SORCS2: variants seen among roughly 807,000 people sequenced by gnomAD.
The protein encoded by SORCS2 is sortilin related VPS10 domain containing receptor 2.
In SORCS2, 100 loss-of-function variants were observed where a neutral mutation model predicts 141.6. The observed-to-expected ratio is 0.71, with a 90% confidence interval of 0.60 to 0.83. The LOEUF is 0.83. SORCS2 is among the 40% of genes least tolerant of loss of function. SORCS2 has a pLI of 0.00. For missense variants in SORCS2, 1,646 were observed against 1,560.2 expected, an observed-to-expected ratio of 1.05 and a Z score of -0.93; for synonymous variants, 789 against 676.9, an observed-to-expected ratio of 1.17 and a Z score of -2.57.
At position 7,721,019 on chromosome 4, in the gene SORCS2, A is replaced by G. The variant is rs189681999; in HGVS notation, c.2425-2678A>G. On this transcript the variant is annotated intron_variant, in intron 18 of 26. Transcript: ENST00000507866. ...ATCAGAGTAATGAAGACTTCTGTTCACACAAAAACCTGTATGTGTCTGTTC... is the reference window on the plus strand; with the variant it reads ...ATCAGAGTAATGAAGACTTCTGTTCGCACAAAAACCTGTATGTGTCTGTTC... Among the ~76,000 whole-genome samples, 13 of 152,358 alleles carry G rather than the reference A, an allele frequency of 8.5e-5. No individual in the cohort carries two copies. In the East Asian group the frequency reaches 2.5e-3, roughly 29 times the overall value.
chr4:7,621,587 A>C (rs886878208), intron 3 of SORCS2, among the ~76,000 whole-genome samples: 2 of 151,524 alleles, frequency 1.3e-5, no homozygotes, highest in African/African-American at 2.4e-5. Context: ...GTGTGTGTTT[A>C]TGTGTGTGTC....
At chr4:7,701,986 C>T (rs78032584) in intron 12 of SORCS2, among the ~76,000 whole-genome samples, 1,903 of 138,662 alleles carry the variant, frequency 0.014, 50 homozygotes, top group East Asian at 0.1. Flanking sequence ...TTCCTTATCC[C>T]GCCCCACATG....
chr4:7,224,880 A>G (rs1728910416), intron 1 of SORCS2, among the ~76,000 whole-genome samples: 1 of 152,224 alleles, frequency 6.6e-6, no homozygotes, highest in African/African-American at 2.4e-5. Flanking sequence ...CCTGAGCTTC[A>G]TTAATTATGA....
intron 1 of SORCS2, among the ~76,000 whole-genome samples, chr4:7,321,404 G>A (rs1718885577): frequency 6.6e-6 from 1 of 152,154 alleles, no homozygotes; most frequent in Non-Finnish European, 1.5e-5. Context: ...TCCTAGATTT[G>A]ATAAATGAAT....
rs1038689992 is a variant in SORCS2, at chr4:7,648,699, A to G, written c.814-5435A>G. Among the ~76,000 whole-genome samples the G allele has an allele frequency of 1.6e-4, 25 of 152,078 alleles. No homozygotes were observed. Among genetic ancestry groups the G allele is most frequent in the African/African-American group, 6.0e-4 (25 of 41,378 alleles). ...TGGCCTCTGCATGGTTGGAGAGCTC[A>G]GAATGTGAGCTTGGACCTGCCATGG... On this transcript the variant is annotated intron_variant, in intron 4 of 26. Coordinates refer to ENST00000507866, the MANE Select transcript of SORCS2 (RefSeq NM_020777.3). The surrounding 1 kb of genome is among the most constrained non-coding windows in gnomAD (Gnocchi z 4.2).
At chr4:7,448,449 G>C (rs4689749) in intron 2 of SORCS2, among the ~76,000 whole-genome samples, 68 of 139,974 alleles carry the variant, frequency 4.9e-4, no homozygotes, top group South Asian at 1.4e-3. Context: ...CCCCTCCCTC[G>C]TCTCCTTCCC....
intron 3 of SORCS2, among the ~76,000 whole-genome samples, chr4:7,632,377 A>G (rs1036882685): frequency 1.3e-5 from 2 of 152,150 alleles, no homozygotes; most frequent in Admixed American, 6.5e-5. Flanking sequence ...ACCATTTAAA[A>G]TAGAGGCTGC....
intron 16 of SORCS2, 142 bp from the exon 17 acceptor site, chr4:7,715,041 C>A (rs980548874): frequency 1.7e-6 from 2 of 1,162,274 alleles, no homozygotes; most frequent in African/African-American, 1.5e-5. Flanking sequence ...TGTGGGTGTT[C>A]CTTGATGTCC....
chr4:7,649,150 G>A (rs756041634), intron 4 of SORCS2, among the ~76,000 whole-genome samples: 5 of 152,296 alleles, frequency 3.3e-5, no homozygotes, highest in South Asian at 2.1e-4. Context: ...GGCCTGACCC[G>A]GGGGAGACTT....
chr4:7,287,879 A>T (rs1470745036), intron 1 of SORCS2, among the ~76,000 whole-genome samples: 1 of 152,170 alleles, frequency 6.6e-6, no homozygotes, highest in South Asian at 2.1e-4. Flanking sequence ...GCTATGGTAA[A>T]AACAGTTTTC....
Position 7,676,041 on chromosome 4 carries a change from TC to T in SORCS2, c.1162-5del. On this transcript the variant is annotated splice_polypyrimidine_tract_variant and splice_region_variant and intron_variant, in intron 8 of 26. Coordinates refer to ENST00000507866, the MANE Select transcript of SORCS2 (RefSeq NM_020777.3). ...GCTCTGACCCTGTGCTCCCTGCACA[TC>T]CCCACAGGATCTGCAGATCATCAGC... The T allele has an allele frequency of 1.3e-6, 2 of 1,572,592 alleles. No individual in the cohort carries two copies. Among genetic ancestry groups the T allele is most frequent in the East Asian group, 4.7e-5 (2 of 42,468 alleles).
At position 7,741,332 on chromosome 4, in the gene SORCS2, C is replaced by T. The variant is rs181373610; in HGVS notation, c.*1068C>T. The T allele has an allele frequency of 2.1e-4, 82 of 398,588 alleles. No homozygotes were observed. Among genetic ancestry groups the T allele is most frequent in the East Asian group, 1.9e-3 (54 of 28,030 alleles). 24.7% of individuals were successfully genotyped at this position (398,588 alleles called of 1,614,324 possible). On this transcript the variant is annotated 3_prime_UTR_variant, in exon 27 of 27. Transcript: ENST00000507866. ...AGGAGAGTAACTGAAGGTCACAGCACGGTCACAGCAGAGGTGGCCGAACCC... is the reference window on the plus strand; with the variant it reads ...AGGAGAGTAACTGAAGGTCACAGCATGGTCACAGCAGAGGTGGCCGAACCC...
intron 2 of SORCS2, among the ~76,000 whole-genome samples, chr4:7,398,880 A>T (rs1414767504): frequency 6.6e-6 from 1 of 152,180 alleles, no homozygotes. Context: ...TACATGACTG[A>T]GCCAGGGAGT....
At chr4:7,454,702 C>T (rs1271204417) in intron 2 of SORCS2, among the ~76,000 whole-genome samples, 6 of 93,034 alleles carry the variant, frequency 6.4e-5, no homozygotes, top group African/African-American at 1.3e-4. Context: ...TGGGGTCAGG[C>T]GCTATGTTGG....
At chr4:7,451,946 C>A (rs918771068) in intron 2 of SORCS2, among the ~76,000 whole-genome samples, 3 of 152,170 alleles carry the variant, frequency 2.0e-5, no homozygotes, top group African/African-American at 7.2e-5. Context: ...GGTGCTTGCG[C>A]GAGTGCACAT....
intron 2 of SORCS2, among the ~76,000 whole-genome samples, chr4:7,465,634 C>T (rs371554808): frequency 2.0e-5 from 3 of 152,120 alleles, no homozygotes; most frequent in South Asian, 2.1e-4. Context: ...TATAAAGATA[C>T]GTAGACATTC....
In SORCS2 at chr4:7,664,494, T is replaced by C; in HGVS notation, c.1071+23T>C. ...AAGGTAAGGTTGCTTCTGGGGCTTTTGGAAATTGGCAACAGGTGACGTGGC... is the reference window on the plus strand; with the variant it reads ...AAGGTAAGGTTGCTTCTGGGGCTTTCGGAAATTGGCAACAGGTGACGTGGC... On this transcript the variant is annotated intron_variant, in intron 7 of 26. Coordinates refer to ENST00000507866, the MANE Select transcript of SORCS2 (RefSeq NM_020777.3). The surrounding 1 kb of genome is among the most constrained non-coding windows in gnomAD (Gnocchi z 4.7). 1 of 1,547,874 alleles carries C rather than the reference T, an allele frequency of 6.5e-7. No homozygotes were observed.
intron 1 of SORCS2, among the ~76,000 whole-genome samples, chr4:7,222,379 C>A (rs551411928): frequency 6.6e-6 from 1 of 152,190 alleles, no homozygotes; most frequent in South Asian, 2.1e-4. Flanking sequence ...AAGAAGCCAG[C>A]CACGAACAGC....
chr4:7,205,823 A>G (rs1483456625), intron 1 of SORCS2, among the ~76,000 whole-genome samples: 1 of 152,204 alleles, frequency 6.6e-6, no homozygotes, highest in Non-Finnish European at 1.5e-5. Flanking sequence ...CGGGTGGATC[A>G]CGTGAGGTCA....
Sources: gnomAD v4.1 joint callset for allele counts (sites outside exome capture counted in the v4.1 genomes callset) on GRCh38, gnomAD v4.1.1 for gene constraint, Gnocchi (gnomAD v3.1) non-coding constraint, MANE v1.5 for transcripts, NCBI Gene and HGNC (gene_info 2026-07-23, HGNC 2026-07-21) for gene names.